TMEM272: variants seen among roughly 807,000 people sequenced by gnomAD.
The protein encoded by TMEM272 is transmembrane protein 272.
Under a neutral mutation model 3.7 loss-of-function variants are expected in TMEM272, and 8 were observed. The ratio of observed to expected loss-of-function variants is 2.17; its 90% confidence interval spans 1.27 to 3.91. The LOEUF is 3.91. Ranked by LOEUF, TMEM272 falls within the 30% of genes most tolerant of loss-of-function variation. TMEM272 has a pLI of 0.00. For missense variants in TMEM272, 166 were observed against 91.5 expected, an observed-to-expected ratio of 1.81 and a Z score of -3.32; for synonymous variants, 63 against 39.8, an observed-to-expected ratio of 1.58 and a Z score of -2.20.
intron 2 of TMEM272, among the ~76,000 whole-genome samples, chr13:51,833,066 A>G (rs1956186365): frequency 6.6e-6 from 1 of 152,126 alleles, no homozygotes; most frequent in Non-Finnish European, 1.5e-5. Context: ...CTGGGTGTTG[A>G]TGGATGGGTA....
chr13:51,902,973 T>C, the TMEM272 span, among the ~76,000 whole-genome samples: 1 of 152,206 alleles, frequency 6.6e-6, no homozygotes, highest in Non-Finnish European at 1.5e-5. Context: ...CGGTGAGCAA[T>C]ACTCAAAGCT....
chr13:51,879,070 G>A, the TMEM272 span, among the ~76,000 whole-genome samples: 1 of 152,222 alleles, frequency 6.6e-6, no homozygotes, highest in Admixed American at 6.5e-5. Context: ...AAAGATTTTT[G>A]AGCTTTGTAA....
the TMEM272 span, chr13:51,909,350 C>G: frequency 1.1e-6 from 1 of 873,654 alleles, no homozygotes; most frequent in African/African-American, 1.6e-5. Context: ...AGGTCTCCAG[C>G]TCTTCAGTGG....
chr13:51,865,965 G>C, the TMEM272 span: 7 of 1,614,056 alleles, frequency 4.3e-6, no homozygotes, highest in African/African-American at 1.3e-5. Flanking sequence ...GAGGAAGAGA[G>C]GGCCTTCTGG....
upstream of TMEM272, among the ~76,000 whole-genome samples, chr13:51,846,140 C>T (rs1956303423): frequency 6.6e-6 from 1 of 152,198 alleles, no homozygotes; most frequent in Non-Finnish European, 1.5e-5. Context: ...CTAGGGCTGG[C>T]CCTGCCACTC....
chr13:51,916,053 AC>A, the TMEM272 span, among the ~76,000 whole-genome samples: 9 of 152,322 alleles, frequency 5.9e-5, no homozygotes, highest in African/African-American at 1.9e-4. Context: ...AGCCTGGGTG[AC>A]AGAGGGAGAC....
the TMEM272 span, among the ~76,000 whole-genome samples, chr13:51,887,983 T>C: frequency 4.6e-5 from 7 of 152,322 alleles, no homozygotes; most frequent in South Asian, 1.2e-3. Context: ...CACACCTATA[T>C]AACTTCATAT....
At chr13:51,879,782 G>A in the TMEM272 span, among the ~76,000 whole-genome samples, 1 of 152,202 alleles carries the variant, frequency 6.6e-6, no homozygotes, top group Non-Finnish European at 1.5e-5. Flanking sequence ...ACAGTGGGAG[G>A]ATAAGACTTA....
At chr13:51,879,256 G>A in the TMEM272 span, among the ~76,000 whole-genome samples, 2 of 152,304 alleles carry the variant, frequency 1.3e-5, 1 homozygote, top group South Asian at 4.1e-4. Context: ...GCTCTTTACA[G>A]CATGCCAGTT....
At chr13:51,871,148 G>C in the TMEM272 span, among the ~76,000 whole-genome samples, 1 of 151,124 alleles carries the variant, frequency 6.6e-6, no homozygotes, top group South Asian at 2.1e-4. Flanking sequence ...GAGTAGGGCT[G>C]ATCTGTGTGA....
the TMEM272 span, among the ~76,000 whole-genome samples, chr13:51,894,078 C>A: frequency 6.6e-6 from 1 of 152,202 alleles, no homozygotes; most frequent in African/African-American, 2.4e-5. Context: ...ACACCACACC[C>A]CCTGCATTGA....
At chr13:51,884,133 T>C in the TMEM272 span, among the ~76,000 whole-genome samples, 8 of 152,294 alleles carry the variant, frequency 5.3e-5, no homozygotes, top group Non-Finnish European at 1.0e-4. Flanking sequence ...AGGTAGAGAA[T>C]GATGCACCCT....
At chr13:51,903,659 G>A in the TMEM272 span, among the ~76,000 whole-genome samples, 122 of 152,252 alleles carry the variant, frequency 8.0e-4, no homozygotes, top group African/African-American at 2.8e-3. Context: ...CAGAAGTCCC[G>A]GTTTCTATGG....
At position 51,814,279 on chromosome 13, in the gene TMEM272, C is replaced by A. The variant is rs897315076; in HGVS notation, c.*2472G>T. ...TTTGCCTTACTTAGCCCCAGAGCCT[C>A]TTTCTTGAAATGTGCCTTATCATAA... On this transcript the variant is annotated 3_prime_UTR_variant, in exon 5 of 5. Coordinates refer to ENST00000629372, the MANE Select transcript of TMEM272 (RefSeq NM_001351003.2). 2.0e-5 allele frequency: 3 copies of A among 152,272 alleles called. No homozygotes were observed. The highest frequency in any genetic ancestry group is 4.4e-5 in the Non-Finnish European group (3 of 68,072). The allele number at this position is 152,272 out of a possible 1,614,324, so 9.4% of individuals were successfully genotyped here.
the TMEM272 span, among the ~76,000 whole-genome samples, chr13:51,868,672 G>A: frequency 6.6e-6 from 1 of 152,186 alleles, no homozygotes. Flanking sequence ...TGGGTCTTTC[G>A]TAAGACAAAG....
the TMEM272 span, among the ~76,000 whole-genome samples, chr13:51,894,837 T>C: frequency 2.0e-5 from 3 of 152,094 alleles, no homozygotes; most frequent in African/African-American, 7.2e-5. Context: ...TATAACGGAA[T>C]AATTCTACAA....
chr13:51,877,312 A>C, the TMEM272 span, among the ~76,000 whole-genome samples: 4 of 152,206 alleles, frequency 2.6e-5, no homozygotes, highest in Non-Finnish European at 5.9e-5. Flanking sequence ...CCCATGTCAT[A>C]TGCTACATTA....
chr13:51,913,131 C>T, the TMEM272 span, among the ~76,000 whole-genome samples: 2 of 152,300 alleles, frequency 1.3e-5, no homozygotes, highest in African/African-American at 2.4e-5. Flanking sequence ...CTAAAGCTAA[C>T]GCTTCGTGTG....
chr13:51,843,184 G>A (rs1956276412), intron 1 of TMEM272, among the ~76,000 whole-genome samples: 1 of 152,160 alleles, frequency 6.6e-6, no homozygotes, highest in Non-Finnish European at 1.5e-5. Flanking sequence ...TTTCCCAGTT[G>A]TATGTTCCCC....
Sources: gnomAD v4.1 joint callset for allele counts (sites outside exome capture counted in the v4.1 genomes callset) on GRCh38, gnomAD v4.1.1 for gene constraint, MANE v1.5 for transcripts, NCBI Gene and HGNC (gene_info 2026-07-23, HGNC 2026-07-21) for gene names.